The following DUSP11 variants were observed in gnomAD, a reference collection of about 807,000 sequenced individuals.
The protein encoded by DUSP11 is dual specificity phosphatase 11.
DUSP11 carries 27 observed loss-of-function variants against 41.4 expected under a neutral mutation model. The observed-to-expected ratio is 0.65, with a 90% CI of 0.48 to 0.90. The LOEUF (loss-of-function observed/expected upper bound fraction) is 0.90, where lower values mean the gene tolerates loss of function less well. Ranked by LOEUF, DUSP11 falls within the 40% of genes least tolerant of loss-of-function variation. DUSP11 has a pLI of 0.00. For missense variants in DUSP11, 465 were observed against 461.1 expected (o/e 1.01, Z -0.08); for synonymous variants, 188 against 159.3 (o/e 1.18, Z -1.35).
intron 1 of DUSP11, 145 bp downstream of exon 1, chr2:73,779,729 G>T: frequency 8.1e-7 from 1 of 1,230,368 alleles, no homozygotes; most frequent in Non-Finnish European, 1.1e-6. Context: ...ACAGCGGGTG[G>T]CGCAGAGGGT....
intron 2 of DUSP11, 131 bp downstream of exon 2, chr2:73,778,170 T>C: frequency 1.9e-6 from 1 of 523,072 alleles, no homozygotes; most frequent in Non-Finnish European, 3.3e-6. Flanking sequence ...GAACTTCATT[T>C]CAGGATAGTA....
rs111640243 is a variant in DUSP11, at chr2:73,762,904, C to T, written c.936-45G>A. The stretch of plus-strand genomic sequence containing the variant: ...TAATAAGCCATTACTAGGATTAATA[C>T]AATAATTTTTATTTATTTTAAATTT... On this transcript the variant is annotated intron_variant, in intron 8 of 8. Transcript: ENST00000272444. 9.9e-4 allele frequency: 818 copies of T among 822,350 alleles called. 7 individuals carry two copies. The African/African-American group carries it at 0.013, about 13-fold the overall frequency. 50.9% of individuals were successfully genotyped at this position (822,350 alleles called of 1,614,324 possible).
Position 73,780,074 on chromosome 2 carries a change from G to A in DUSP11, c.42C>T (p.Cys14=), listed in dbSNP as rs376117582. The change falls in exon 1 of 9, where the codon TGC becomes TGT. Residue 14 remains cysteine (C), a synonymous_variant. Transcript: ENST00000272444. ...AAGACCCTAAACAGGAAAAGACTCG[G>A]CAGCCACCTACGCCGCGCTCCAGCG... 6.6e-4 allele frequency: 1,050 copies of A among 1,595,172 alleles called. 2 individuals carry two copies. The highest frequency in any genetic ancestry group is 8.2e-4 in the Non-Finnish European group (961 of 1,170,254).
In DUSP11 at chr2:73,777,905, A is replaced by G. The variant is rs568527363; in HGVS notation, c.318+396T>C. ...CCAAATGAAGATTATACTTTGTTAT[A>G]TTTGGAAATCTATTACAGAAACTCC... On this transcript the variant is annotated intron_variant, in intron 2 of 8. Coordinates refer to ENST00000272444, the Ensembl canonical transcript of DUSP11. 5.9e-5 allele frequency among the ~76,000 whole-genome samples: 9 copies of G among 152,308 alleles called. No individual in the cohort carries two copies. The East Asian group carries it at 1.7e-3, about 29-fold the overall frequency.
rs1274381057 is a variant in DUSP11, at chr2:73,773,981, G to C, written c.451-58C>G. Reference sequence around the variant, plus strand: ...TTTCACTTGTAGAGAAATAATTAAAGAGTAATTAGGGGACCCAGAATATAA... The same window carrying C: ...TTTCACTTGTAGAGAAATAATTAAACAGTAATTAGGGGACCCAGAATATAA... On this transcript the variant is annotated intron_variant, in intron 3 of 8. Transcript: ENST00000272444. The C allele has an allele frequency of 2.9e-6, 4 of 1,361,850 alleles. No homozygotes were observed. The African/African-American group carries it at 4.4e-5, about 15-fold the overall frequency. 84.4% of individuals were successfully genotyped at this position (1,361,850 alleles called of 1,614,324 possible).
chr2:73,776,483 GGACA>G (rs374308380), intron 2 of DUSP11, among the ~76,000 whole-genome samples: 113 of 150,180 alleles, frequency 7.5e-4, no homozygotes, highest in African/African-American at 2.8e-3. Context: ...TGAGCCAAAA[GGACA>G]GATAGTTCCC....
At chr2:73,779,694 A>AT (rs1279404744) in intron 1 of DUSP11, 180 bp downstream of exon 1, 1 of 880,914 alleles carries the variant, frequency 1.1e-6, no homozygotes. Flanking sequence ...ATCACAGGAC[A>AT]TCACAGACAT....
intron 2 of DUSP11, among the ~76,000 whole-genome samples, chr2:73,775,727 C>A (rs941392225): frequency 6.0e-5 from 9 of 150,554 alleles, no homozygotes; most frequent in Middle Eastern, 3.2e-3. Flanking sequence ...TGGTGGCAGG[C>A]GCCTGTAGTC....
exon 1 of DUSP11, chr2:73,780,083 T>A (rs765095433): frequency 6.3e-7 from 1 of 1,581,370 alleles, no homozygotes; most frequent in Admixed American, 1.9e-5. Context: ...GGCAGCCACC[T>A]ACGCCGCGCT....
intron 3 of DUSP11, among the ~76,000 whole-genome samples, chr2:73,774,136 G>A (rs1315950142): frequency 6.6e-6 from 1 of 152,166 alleles, no homozygotes; most frequent in East Asian, 1.9e-4. Context: ...ATAATAGATA[G>A]TCACTAGGTA....
At chr2:73,769,447 G>T (rs912833902) in intron 4 of DUSP11, 122 bp from the exon 5 acceptor site, 1 of 737,064 alleles carries the variant, frequency 1.4e-6, no homozygotes, top group Non-Finnish European at 2.2e-6. Flanking sequence ...ATACTATAAA[G>T]AATCATCTAA....
In DUSP11 at chr2:73,766,413, G is replaced by A. The variant is rs147626836; in HGVS notation, c.935+5C>T. 6.2e-7 allele frequency: 1 copy of A among 1,601,728 alleles called. No individual in the cohort carries two copies. ...TTCTAGAAAAGGGAAAACAGAGAGAGGTACCTGACTGATTGTTGCAAACTT... is the reference window on the plus strand; with the variant it reads ...TTCTAGAAAAGGGAAAACAGAGAGAAGTACCTGACTGATTGTTGCAAACTT... On this transcript the variant is annotated splice_donor_5th_base_variant and intron_variant, in intron 8 of 8. Transcript: ENST00000272444.
At chr2:73,769,218 A>T in intron 5 of DUSP11, 47 bp downstream of exon 5, 1 of 1,522,724 alleles carries the variant, frequency 6.6e-7, no homozygotes, top group Non-Finnish European at 9.1e-7. Context: ...CATTGTAAAC[A>T]GACAAAAACA....
chr2:73,771,425 C>T (rs1272761483), intron 4 of DUSP11, among the ~76,000 whole-genome samples: 1 of 152,078 alleles, frequency 6.6e-6, no homozygotes, highest in Non-Finnish European at 1.5e-5. Flanking sequence ...TCCTGTCAGG[C>T]CTTCCTCAAT....
chr2:73,771,939 G>GC (rs70965757), intron 4 of DUSP11, among the ~76,000 whole-genome samples: 3,436 of 151,462 alleles, frequency 0.023, 57 homozygotes, highest in Middle Eastern at 0.065. Flanking sequence ...TCCTGCCTCA[G>GC]CCCCCCGAGT....
chr2:73,766,752 G>A (rs1672473803), intron 7 of DUSP11, 76 bp downstream of exon 7: 10 of 1,386,420 alleles, frequency 7.2e-6, no homozygotes, highest in Non-Finnish European at 9.1e-6. Flanking sequence ...CCAGAAGAAT[G>A]AACATATGCA....
At chr2:73,772,260 G>C (rs74336310) in intron 4 of DUSP11, among the ~76,000 whole-genome samples, 1,778 of 152,286 alleles carry the variant, frequency 0.012, 32 homozygotes, top group African/African-American at 0.04. Context: ...AGTGTTTACT[G>C]AATCAATTTA....
chr2:73,766,789 C>T (rs1672474216), intron 7 of DUSP11, 39 bp downstream of exon 7: 1 of 1,522,504 alleles, frequency 6.6e-7, no homozygotes, highest in African/African-American at 1.4e-5. Flanking sequence ...CAGAGATCTC[C>T]CTGACCCACA....
chr2:73,775,785 C>T (rs1672669597), intron 2 of DUSP11, among the ~76,000 whole-genome samples: 1 of 137,732 alleles, frequency 7.3e-6, no homozygotes, highest in Admixed American at 7.8e-5. Flanking sequence ...ACCCGGGAGG[C>T]AGAGCTTGCA....
Sources: allele counts gnomAD v4.1 joint callset (sites outside exome capture counted in the v4.1 genomes callset), GRCh38; gene constraint gnomAD v4.1.1; transcripts MANE v1.5; gene names NCBI Gene and HGNC (gene_info 2026-07-23, HGNC 2026-07-21).